Variants in MVP observed in about 807,000 individuals in gnomAD.
MVP encodes lung resistance-related protein.
MVP carries 62 observed loss-of-function variants against 83.5 expected under a neutral mutation model. The ratio of observed to expected loss-of-function variants is 0.74; its 90% CI spans 0.61 to 0.92. The LOEUF (loss-of-function observed/expected upper bound fraction) is 0.92, where lower values mean the gene tolerates loss of function less well. Ranked by LOEUF, MVP falls within the 40% of genes least tolerant of loss-of-function variation. MVP has a pLI of 0.00. For missense variants in MVP, 1,000 were observed against 1,203.4 expected, an observed-to-expected ratio of 0.83 and a Z score of 2.50; for synonymous variants, 505 against 504.1, an observed-to-expected ratio of 1.00 and a Z score of -0.02.
chr16:29,843,562 G>GAGGGAGGA (rs2067554314), intron 10 of MVP, among the ~76,000 whole-genome samples: 2 of 49,946 alleles, frequency 4.0e-5, no homozygotes, highest in African/African-American at 2.0e-4. Context: ...GGGAGGGAGG[G>GAGGGAGGA]AGGGAGGGAG....
Position 29,830,606 on chromosome 16 carries a change from G to A in MVP, c.57G>A (p.Leu19=), listed in dbSNP as rs1324376689. The A allele has an allele frequency of 1.9e-6, 3 of 1,614,074 alleles. No homozygotes were observed. The highest frequency in any genetic ancestry group is 2.5e-6 in the Non-Finnish European group (3 of 1,180,008). Residue 19 remains leucine, a synonymous_variant, in exon 2 of 15, where the codon CTG becomes CTA. Coordinates refer to ENST00000357402, the MANE Select transcript of MVP (RefSeq NM_005115.5). ...RIPPYHYIHV[L]DQNSNVSRVE... ...CCCCATACCACTATATCCATGTGCT[G>A]GACCAGAACAGCAACGTGTCCCGTG...
rs1177328296 is a variant in MVP at position 29,821,312 on chromosome 16, C to T, written c.-36+802C>T. 3 of 152,388 alleles carry T rather than the reference C, an allele frequency of 2.0e-5. No homozygotes were observed. The East Asian group carries it at 5.8e-4, about 29-fold the overall frequency. 9.4% of individuals were successfully genotyped at this position (152,388 alleles called of 1,614,324 possible). A position where few individuals can be genotyped will look rare whatever the true frequency, so the allele number is the denominator to read the frequency against. The stretch of plus-strand genomic sequence containing the variant: ...TATCAGGTGGCTCTGCCAGAAACTC[C>T]CTTGGCACACAGAGCACTGGGTCGG... On this transcript the variant is annotated intron_variant, in intron 1 of 14. Coordinates refer to ENST00000357402, the MANE Select transcript of MVP (RefSeq NM_005115.5).
In MVP at chr16:29,826,517, C is replaced by T. The variant is rs1541705; in HGVS notation, c.-35-3998C>T. Among the ~76,000 whole-genome samples, 1,039 of 151,608 alleles carry T rather than the reference C, an allele frequency of 6.9e-3. 17 individuals carry two copies. Among genetic ancestry groups the T allele is most frequent in the African/African-American group, 0.024 (979 of 41,312 alleles). ...CAGTACGTATCTACAGTCCCAGCTA[C>T]TCGGGAGGCTGAGATGGGAGGATCC... On this transcript the variant is annotated intron_variant, in intron 1 of 14. Coordinates refer to ENST00000357402, the MANE Select transcript of MVP (RefSeq NM_005115.5).
intron 7 of MVP, among the ~76,000 whole-genome samples, chr16:29,837,613 G>T (rs901843587): frequency 6.6e-6 from 1 of 152,008 alleles, no homozygotes; most frequent in Non-Finnish European, 1.5e-5. Context: ...AATTAGCCAG[G>T]TGTGGTGGCA....
chr16:29,841,769 C>T lies in MVP; in HGVS notation c.1365C>T (p.Thr455=), dbSNP rs1215874463. Residue 455 remains threonine (T), a synonymous_variant, in exon 9 of 15, where the codon ACC becomes ACT. Coordinates refer to ENST00000357402, the MANE Select transcript of MVP (RefSeq NM_005115.5). This position sits in a 1 kb window ranked among gnomAD's most constrained non-coding sequence, Gnocchi z 4.7. ...SLQPLAPRNK[T]RVVSYRVPHN... ...AGCCCTTGGCGCCCCGGAACAAGAC[C>T]CGTGTGGTCAGCTACCGCGTGCCCC... 3.1e-6 allele frequency: 5 copies of T among 1,613,720 alleles called. No homozygotes were observed. The highest frequency in any genetic ancestry group is 1.6e-4 in the Middle Eastern group (1 of 6,062).
chr16:29,830,820 C>T, intron 2 of MVP, 58 bp from the exon 3 acceptor site: 2 of 1,582,588 alleles, frequency 1.3e-6, no homozygotes, highest in Non-Finnish European at 1.7e-6. Flanking sequence ...ATTTGGTGTC[C>T]TCTTTGGTAG....
intron 13 of MVP, 58 bp downstream of exon 13, chr16:29,846,342 C>T (rs372591645): frequency 4.0e-6 from 6 of 1,514,148 alleles, no homozygotes; most frequent in African/African-American, 1.4e-5. Context: ...AAGGCCCATT[C>T]CCTACAGTCC....
Position 29,833,932 on chromosome 16 carries a change from C to T in MVP, c.446-3C>T. 1.9e-6 allele frequency: 3 copies of T among 1,614,112 alleles called. No individual in the cohort carries two copies. The highest frequency in any genetic ancestry group is 2.2e-5 in the East Asian group (1 of 44,882). ...CCTTCTGACCATCACCTTCCCTCCC[C>T]AGGCACGTACATCCCCCGGAAGGAA... On this transcript the variant is annotated splice_polypyrimidine_tract_variant and splice_region_variant and intron_variant, in intron 4 of 14. Transcript: ENST00000357402.
At position 29,847,978 on chromosome 16, in the gene MVP, GTA is replaced by G; in HGVS notation, c.2672_2673del (p.Val891AlafsTer7). On this transcript the variant is annotated frameshift_variant, in exon 15 of 15. Transcript: ENST00000357402. LOFTEE classifies it high-confidence loss of function. ...TCCTGGAGACAACCACGTGGTGCCT[GTA>G]CTGCGCTAACTCCTGATTAATACAA... Reference protein sequence around the residue: ...QAPGDNHVVPVLR With the variant: ...QAPGDNHVVPXLR 6.2e-7 allele frequency: 1 copy of G among 1,607,196 alleles called. No homozygotes were observed. Among genetic ancestry groups the G allele is most frequent in the Non-Finnish European group, 8.5e-7 (1 of 1,178,156 alleles).
At chr16:29,829,950 C>G (rs978522942) in intron 1 of MVP, 1 of 153,308 alleles carries the variant, frequency 6.5e-6, no homozygotes, top group East Asian at 1.9e-4. Flanking sequence ...TGTTTATGGC[C>G]GAATCCTAGC....
chr16:29,839,884 G>T (rs193190954), intron 7 of MVP, among the ~76,000 whole-genome samples: 4 of 151,866 alleles, frequency 2.6e-5, no homozygotes, highest in African/African-American at 9.7e-5. Context: ...AACAAAGCCT[G>T]GGAGAAAGAA....
At chr16:29,835,480 C>CAAAAA (rs59649743) in intron 5 of MVP, 88 of 72,916 alleles carry the variant, frequency 1.2e-3, no homozygotes, top group Middle Eastern at 7.1e-3. Context: ...GACTCCGTCT[C>CAAAAA]AAAAAAAAAA....
intron 13 of MVP, among the ~76,000 whole-genome samples, chr16:29,846,587 G>A (rs1431500859): frequency 6.6e-6 from 1 of 152,236 alleles, no homozygotes. Flanking sequence ...GCCGGGTGCA[G>A]TGGCTCACGC....
rs995460762 is a variant in MVP, at chr16:29,830,923, C to T, written c.171C>T (p.His57=). 6.2e-7 allele frequency: 1 copy of T among 1,614,098 alleles called. No homozygotes were observed. The highest frequency in any genetic ancestry group is 8.5e-7 in the Non-Finnish European group (1 of 1,179,992). The change falls in exon 3 of 15, where the codon CAC becomes CAT. Residue 57 remains histidine, a synonymous_variant. Coordinates refer to ENST00000357402, the MANE Select transcript of MVP (RefSeq NM_005115.5). ...GCATGGTGACCGTCCCCCCACGTCA[C>T]TACTGCACAGTGGCCAACCCTGTGT... is the stretch of plus-strand genomic sequence containing the variant. The part of the protein sequence containing the change: ...PMRMVTVPPR[H]YCTVANPVSR...
Position 29,847,769 on chromosome 16 carries a change from T to A in MVP, c.2462T>A (p.Leu821Gln). Residue 821 changes from leucine to glutamine, a missense_variant, in exon 15 of 15, where the codon CTG (leucine) becomes CAG (glutamine). Coordinates refer to ENST00000357402, the MANE Select transcript of MVP (RefSeq NM_005115.5). Reference sequence around the variant, plus strand: ...CCTGTTCTCACCCTCCAGGTAAAACTGCTCCAGTCCCTGGGCCTGAAATCA... The same window carrying A: ...CCTGTTCTCACCCTCCAGGTAAAACAGCTCCAGTCCCTGGGCCTGAAATCA... ...AVAGPEMQVKLLQSLGLKSTL... is the reference protein window; with the variant it reads ...AVAGPEMQVKQLQSLGLKSTL... 1 of 1,614,128 alleles carries A rather than the reference T, an allele frequency of 6.2e-7. No homozygotes were observed. Among genetic ancestry groups the A allele is most frequent in the Non-Finnish European group, 8.5e-7 (1 of 1,180,010 alleles).
chr16:29,844,416 T>C (rs1442955519), intron 10 of MVP, 77 bp from the exon 11 acceptor site: 1 of 1,496,538 alleles, frequency 6.7e-7, no homozygotes, highest in East Asian at 2.3e-5. Flanking sequence ...CTGGGCAACA[T>C]GGCAAGACCT....
chr16:29,847,398 G>GA lies in MVP; in HGVS notation c.2454+15dup. Reference sequence around the variant, plus strand: ...GCCTGAGATGCAGGTGAGAGTTGGGGAAGGTGTGTTGGTTTCAGGACCAAC... The same window carrying GA: ...GCCTGAGATGCAGGTGAGAGTTGGGGAAAGGTGTGTTGGTTTCAGGACCAAC... On this transcript the variant is annotated intron_variant, in intron 14 of 14. Coordinates refer to ENST00000357402, the MANE Select transcript of MVP (RefSeq NM_005115.5). 1 of 1,531,022 alleles carries GA rather than the reference G, an allele frequency of 6.5e-7. No individual in the cohort carries two copies. The highest frequency in any genetic ancestry group is 8.7e-7 in the Non-Finnish European group (1 of 1,143,500). 94.8% of individuals were successfully genotyped at this position (1,531,022 alleles called of 1,614,324 possible).
intron 5 of MVP, chr16:29,834,739 G>GC (rs1381233469): frequency 6.6e-6 from 1 of 151,032 alleles, no homozygotes; most frequent in Non-Finnish European, 1.5e-5. Context: ...AGGTTGGAGT[G>GC]CAGTGGCGCG....
At position 29,844,537 on chromosome 16, in the gene MVP, A is replaced by C; in HGVS notation, c.1679A>C (p.Lys560Thr). The C allele has an allele frequency of 6.3e-7, 1 of 1,576,214 alleles. No homozygotes were observed. Among genetic ancestry groups the C allele is most frequent in the Non-Finnish European group, 8.6e-7 (1 of 1,159,476 alleles). Residue 560 changes from lysine to threonine, a missense_variant, in exon 11 of 15, where the codon AAG (lysine) becomes ACG (threonine). Physicochemically the swap from Lys to Thr is moderately conservative, Grantham distance 78 (BLOSUM62 -1). Transcript: ENST00000357402. ...CGGAAGGACCCCCAAGAGACGGCCA[A>C]GCTCTTTTCAGTGCCAGACTTTGTA... ...NDRKDPQETA[K>T]LFSVPDFVGD...
Sources: allele counts gnomAD v4.1 joint callset (sites outside exome capture counted in the v4.1 genomes callset), GRCh38; gene constraint gnomAD v4.1.1; non-coding constraint Gnocchi (gnomAD v3.1); transcripts MANE v1.5; gene names NCBI Gene and HGNC (gene_info 2026-07-23, HGNC 2026-07-21).